GABBR2: variants seen among roughly 807,000 people sequenced by gnomAD.
GABBR2 encodes the protein gamma-aminobutyric acid type B receptor subunit 2.
GABBR2 carries 23 observed loss-of-function variants against 105.6 expected under a neutral mutation model. The ratio of observed to expected loss-of-function variants is 0.22; its 90% CI spans 0.16 to 0.31. The LOEUF is 0.31. Among genes scored for constraint, GABBR2 ranks in the 10% least tolerant of loss-of-function variants. GABBR2 has a pLI of 1.00. For synonymous variants in GABBR2, 478 were observed against 499.7 expected, an observed-to-expected ratio of 0.96 and a Z score of 0.58; for missense variants, 734 against 1,245.5, an observed-to-expected ratio of 0.59 and a Z score of 6.18.
chr9:98,352,827 G>A (rs914554959), intron 13 of GABBR2, among the ~76,000 whole-genome samples: 11 of 152,106 alleles, frequency 7.2e-5, no homozygotes, highest in South Asian at 2.1e-4. Context: ...CTGGGGACCC[G>A]GCTGTGCCAC....
At chr9:98,292,304 TAC>T (rs1830314349) in intron 18 of GABBR2, among the ~76,000 whole-genome samples, 1 of 151,894 alleles carries the variant, frequency 6.6e-6, no homozygotes, top group South Asian at 2.1e-4. Flanking sequence ...GAGGGAAGAG[TAC>T]AGAGTTCAGG....
intron 3 of GABBR2, among the ~76,000 whole-genome samples, chr9:98,520,938 T>C (rs1170584611): frequency 2.0e-5 from 3 of 152,012 alleles, no homozygotes; most frequent in Non-Finnish European, 4.4e-5. Context: ...GGAAAAACTA[T>C]AAAACCAGAT....
At chr9:98,372,046 G>T (rs774342) in intron 11 of GABBR2, among the ~76,000 whole-genome samples, 24,332 of 152,216 alleles carry the variant, frequency 0.16, 2,227 homozygotes, top group African/African-American at 0.21. Flanking sequence ...TGGCCACTGA[G>T]CCCACACTTA....
chr9:98,582,614 T>A (rs1226904991), intron 1 of GABBR2, among the ~76,000 whole-genome samples: 1 of 152,214 alleles, frequency 6.6e-6, no homozygotes, highest in Non-Finnish European at 1.5e-5. Flanking sequence ...AGGTAAAATG[T>A]GAAAAATAAG....
rs1292551576 is a variant in GABBR2 at position 98,693,231 on chromosome 9, T to A, written c.321+15186A>T. Among the ~76,000 whole-genome samples the A allele has an allele frequency of 3.3e-5, 5 of 152,304 alleles. No individual in the cohort carries two copies. In the East Asian group the frequency reaches 9.7e-4, roughly 29 times the overall value. On this transcript the variant is annotated intron_variant, in intron 1 of 18. Transcript: ENST00000259455. Reference sequence around the variant, plus strand: ...AGGTCCTGCCCCCTGATGAGGTCAATCTTGGGACAGAGGCCCCCATTCTCC... The same window carrying A: ...AGGTCCTGCCCCCTGATGAGGTCAAACTTGGGACAGAGGCCCCCATTCTCC...
intron 1 of GABBR2, among the ~76,000 whole-genome samples, chr9:98,698,538 C>T (rs1830786735): frequency 6.7e-6 from 1 of 150,218 alleles, no homozygotes; most frequent in South Asian, 2.1e-4. Context: ...CTCATTCTGT[C>T]ACCCAGGCTG....
chr9:98,483,936 C>T (rs933584412), intron 4 of GABBR2, among the ~76,000 whole-genome samples: 2 of 152,180 alleles, frequency 1.3e-5, no homozygotes, highest in African/African-American at 2.4e-5. Context: ...CAGAACAGGG[C>T]GCTACACATA....
intron 2 of GABBR2, chr9:98,555,806 C>G (rs1163051592): frequency 6.6e-6 from 1 of 152,204 alleles, no homozygotes; most frequent in Non-Finnish European, 1.5e-5. Flanking sequence ...TGGGATCATA[C>G]TTCCTACTCA....
chr9:98,328,529 G>A (rs766791067), intron 13 of GABBR2, among the ~76,000 whole-genome samples: 3 of 152,066 alleles, frequency 2.0e-5, no homozygotes, highest in African/African-American at 4.8e-5. Context: ...AAGAAATGCT[G>A]GGCAGAACCA....
At chr9:98,432,053 G>A (rs1202807775) in intron 7 of GABBR2, among the ~76,000 whole-genome samples, 5 of 151,940 alleles carry the variant, frequency 3.3e-5, no homozygotes, top group African/African-American at 7.3e-5. Flanking sequence ...GTGCTACCAC[G>A]CCCAGCTAAT....
chr9:98,514,995 T>G (rs1386230027), intron 3 of GABBR2, among the ~76,000 whole-genome samples: 1 of 152,048 alleles, frequency 6.6e-6, no homozygotes, highest in East Asian at 1.9e-4. Context: ...AAAGGGCCAG[T>G]TCCAGTGGGG....
chr9:98,449,140 C>A (rs1054265125), intron 7 of GABBR2, among the ~76,000 whole-genome samples: 2 of 152,206 alleles, frequency 1.3e-5, no homozygotes, highest in African/African-American at 4.8e-5. Context: ...CTTGCTCCCA[C>A]CACATGCACA....
chr9:98,299,774 T>C (rs530330188), intron 16 of GABBR2, among the ~76,000 whole-genome samples: 1 of 152,276 alleles, frequency 6.6e-6, no homozygotes, highest in South Asian at 2.1e-4. Flanking sequence ...TAATAGTACC[T>C]ACCTCAGGGG....
intron 11 of GABBR2, among the ~76,000 whole-genome samples, chr9:98,373,128 G>C (rs566389286): frequency 6.6e-6 from 1 of 152,218 alleles, no homozygotes; most frequent in East Asian, 1.9e-4. Context: ...GCCAATGATA[G>C]AGAATTTAGA....
At chr9:98,401,097 A>G (rs906879710) in intron 8 of GABBR2, among the ~76,000 whole-genome samples, 2 of 152,176 alleles carry the variant, frequency 1.3e-5, no homozygotes, top group Admixed American at 6.5e-5. Flanking sequence ...AACAGTTGTT[A>G]TGACCCTTCT....
Position 98,290,433 on chromosome 9 carries a change from C to T in GABBR2, c.*151G>A. 2 of 436,180 alleles carry T rather than the reference C, an allele frequency of 4.6e-6. No homozygotes were observed. Among genetic ancestry groups the T allele is most frequent in the Non-Finnish European group, 7.8e-6 (2 of 256,360 alleles). The allele number at this position is 436,180 out of a possible 1,614,324, so 27.0% of individuals were successfully genotyped here. On this transcript the variant is annotated 3_prime_UTR_variant, in exon 19 of 19. Transcript: ENST00000259455. Reference sequence around the variant, plus strand: ...GTGCCAAGTCTCCCCCTGCCCCGTCCTGTCCACCTGAGTGCCATCCGAGTG... The same window carrying T: ...GTGCCAAGTCTCCCCCTGCCCCGTCTTGTCCACCTGAGTGCCATCCGAGTG...
Position 98,399,901 on chromosome 9 carries a change from C to T in GABBR2, c.1298-5646G>A, listed in dbSNP as rs142168504. On this transcript the variant is annotated intron_variant, in intron 8 of 18. Transcript: ENST00000259455. ...ATAAAAATGGTCAAAGGGCTGGGTG[C>T]GGTGGCTCACACCTGTGATCTCAGC... Among the ~76,000 whole-genome samples the T allele has an allele frequency of 7.5e-3, 1,129 of 151,462 alleles. 14 individuals are homozygous for T. Among genetic ancestry groups the T allele is most frequent in the African/African-American group, 0.013 (537 of 41,290 alleles).
chr9:98,300,431 C>T (rs1830450563), intron 16 of GABBR2, among the ~76,000 whole-genome samples: 1 of 152,174 alleles, frequency 6.6e-6, no homozygotes, highest in African/African-American at 2.4e-5. Flanking sequence ...AGGTGTGAGC[C>T]ACAGCACCTG....
At chr9:98,690,597 A>G (rs1313303175) in intron 1 of GABBR2, among the ~76,000 whole-genome samples, 1 of 152,172 alleles carries the variant, frequency 6.6e-6, no homozygotes, top group Non-Finnish European at 1.5e-5. Flanking sequence ...TCTCAGAAGG[A>G]AAGCCATTCT....
Sources: allele counts gnomAD v4.1 joint callset (sites outside exome capture counted in the v4.1 genomes callset), GRCh38; gene constraint gnomAD v4.1.1; transcripts MANE v1.5; gene names NCBI Gene and HGNC (gene_info 2026-07-23, HGNC 2026-07-21).